Variants in GREB1L observed in about 807,000 individuals in gnomAD.
GREB1L encodes the protein GREB1 like retinoic acid receptor coactivator, also known as GREB1-like protein.
A neutral mutation model predicts 200.8 loss-of-function variants in GREB1L; 17 were observed. The ratio of observed to expected loss-of-function variants is 0.08; its 90% CI spans 0.06 to 0.13. The LOEUF (loss-of-function observed/expected upper bound fraction) is 0.13. Ranked by LOEUF, GREB1L falls within the 10% of genes least tolerant of loss-of-function variation. The pLI is 1.00. For missense variants in GREB1L, 1,657 were observed against 2,367.7 expected (o/e 0.70, Z 6.23); for synonymous variants, 789 against 893.0 (o/e 0.88, Z 2.08).
intron 1 of GREB1L, among the ~76,000 whole-genome samples, chr18:21,299,094 A>G (rs766347802): frequency 2.0e-5 from 3 of 151,928 alleles, no homozygotes; most frequent in Admixed American, 6.6e-5. Flanking sequence ...CCTGGCCAAC[A>G]TGGTGAAATC....
intron 13 of GREB1L, chr18:21,451,428 T>C: frequency 3.7e-6 from 1 of 270,286 alleles, no homozygotes; most frequent in Non-Finnish European, 6.9e-6. Flanking sequence ...CTCGGTTTGT[T>C]CGTTCGTTCC....
chr18:21,458,199 G>A (rs113947319), intron 15 of GREB1L, among the ~76,000 whole-genome samples: 45,181 of 151,800 alleles, frequency 0.3, 8,876 homozygotes, highest in African/African-American at 0.52. Flanking sequence ...TCGAACTTCC[G>A]ACCTCAGGTG....
At chr18:21,300,932 C>G (rs1442047844) in intron 1 of GREB1L, among the ~76,000 whole-genome samples, 1 of 152,126 alleles carries the variant, frequency 6.6e-6, no homozygotes, top group African/African-American at 2.4e-5. Context: ...AAGACTTACT[C>G]AAGATCTAGT....
intron 1 of GREB1L, among the ~76,000 whole-genome samples, chr18:21,274,996 C>CTT (rs998979104): frequency 3.3e-5 from 5 of 152,230 alleles, no homozygotes; most frequent in African/African-American, 1.2e-4. Context: ...TAATCCAGCA[C>CTT]TTTGAGAGGC....
At chr18:21,473,568 C>CAAAA (rs1261372851) in intron 16 of GREB1L, among the ~76,000 whole-genome samples, 2 of 46,576 alleles carry the variant, frequency 4.3e-5, no homozygotes, top group Non-Finnish European at 8.4e-5. Flanking sequence ...GACTTTGTCT[C>CAAAA]AAAAAAAAAA....
chr18:21,423,055 C>T (rs1301597555), intron 7 of GREB1L, among the ~76,000 whole-genome samples: 2 of 152,114 alleles, frequency 1.3e-5, no homozygotes, highest in Non-Finnish European at 2.9e-5. Flanking sequence ...CTCAGCATCC[C>T]AAGTAGCTGG....
intron 2 of GREB1L, among the ~76,000 whole-genome samples, chr18:21,376,489 A>G (rs1364335005): frequency 6.6e-6 from 1 of 151,092 alleles, no homozygotes; most frequent in Non-Finnish European, 1.5e-5. Context: ...TCACTTCTGT[A>G]GATTCTAAGA....
chr18:21,350,115 C>T (rs892795226), intron 1 of GREB1L, among the ~76,000 whole-genome samples: 1 of 152,088 alleles, frequency 6.6e-6, no homozygotes, highest in African/African-American at 2.4e-5. Context: ...AGATTGGACT[C>T]TCTTTGAGAT....
At chr18:21,509,650 G>A (rs935885747) in intron 27 of GREB1L, among the ~76,000 whole-genome samples, 3 of 151,868 alleles carry the variant, frequency 2.0e-5, no homozygotes, top group African/African-American at 7.3e-5. Context: ...GTGAATTAAG[G>A]CTTCTGAATA....
At chr18:21,503,753 T>A (rs2036899747) in intron 23 of GREB1L, among the ~76,000 whole-genome samples, 1 of 150,940 alleles carries the variant, frequency 6.6e-6, no homozygotes, top group Admixed American at 6.6e-5. Flanking sequence ...GTTTTTTGTA[T>A]TTTTAGTAAA....
intron 17 of GREB1L, among the ~76,000 whole-genome samples, chr18:21,484,909 A>G (rs1598911449): frequency 6.6e-6 from 1 of 152,316 alleles, no homozygotes; most frequent in African/African-American, 2.4e-5. Flanking sequence ...TAATGTAGAA[A>G]AGATGCAAAA....
chr18:21,267,149 G>T (rs1296695025), intron 1 of GREB1L, among the ~76,000 whole-genome samples: 5 of 148,682 alleles, frequency 3.4e-5, no homozygotes, highest in Admixed American at 1.3e-4. Context: ...GGCCAGGCTG[G>T]TCTCAAACTC....
intron 1 of GREB1L, among the ~76,000 whole-genome samples, chr18:21,276,924 CTTTT>C (rs573871373): frequency 0.025 from 2,732 of 107,554 alleles, 120 homozygotes; most frequent in African/African-American, 0.1. Flanking sequence ...CAGCCCAGCC[CTTTT>C]TTTTTTTTTT....
At chr18:21,379,672 G>C (rs1466789935) in intron 2 of GREB1L, among the ~76,000 whole-genome samples, 1 of 152,200 alleles carries the variant, frequency 6.6e-6, no homozygotes, top group Non-Finnish European at 1.5e-5. Flanking sequence ...CTCTGTGCTA[G>C]TTCCTGGTCC....
intron 17 of GREB1L, 87 bp from the exon 18 acceptor site, chr18:21,485,533 C>T (rs7234335): frequency 1.7e-6 from 2 of 1,194,282 alleles, no homozygotes; most frequent in South Asian, 1.7e-5. Context: ...CCTCTTACAG[C>T]GGTCATTTCT....
At chr18:21,278,069 T>C (rs1423316836) in intron 1 of GREB1L, among the ~76,000 whole-genome samples, 4 of 152,104 alleles carry the variant, frequency 2.6e-5, no homozygotes, top group African/African-American at 9.7e-5. Context: ...TTTAGGCTTA[T>C]AGATTGAAGG....
At chr18:21,462,184 G>A (rs1338418681) in intron 15 of GREB1L, among the ~76,000 whole-genome samples, 2 of 152,212 alleles carry the variant, frequency 1.3e-5, no homozygotes, top group Non-Finnish European at 2.9e-5. Context: ...GCGCCCTGCT[G>A]ATATCCATGT....
At chr18:21,268,185 C>T (rs1308897403) in intron 1 of GREB1L, among the ~76,000 whole-genome samples, 3 of 151,712 alleles carry the variant, frequency 2.0e-5, no homozygotes, top group African/African-American at 4.8e-5. Flanking sequence ...ATGAGCACAG[C>T]GGAATCAAAA....
At chr18:21,426,349 G>A (rs1003819397) in intron 7 of GREB1L, among the ~76,000 whole-genome samples, 33 of 152,068 alleles carry the variant, frequency 2.2e-4, no homozygotes, top group African/African-American at 6.7e-4. Context: ...GAGCCACCGC[G>A]CCCGGCCTTA....
Sources: gnomAD v4.1 joint callset for allele counts (sites outside exome capture counted in the v4.1 genomes callset) on GRCh38, gnomAD v4.1.1 for gene constraint, MANE v1.5 for transcripts, NCBI Gene and HGNC (gene_info 2026-07-23, HGNC 2026-07-21) for gene names.